Variants in C1orf210 observed in about 807,000 individuals in gnomAD.
C1orf210 encodes the protein type III endosome membrane protein TEMP.
C1orf210 carries 3 observed loss-of-function variants against 3.7 expected under a neutral mutation model. The observed-to-expected ratio is 0.81, with a 90% confidence interval of 0.37 to 2.08. The LOEUF (loss-of-function observed/expected upper bound fraction) is 2.08, where lower values mean the gene tolerates loss of function less well. Ranked by LOEUF, C1orf210 falls within the 30% of genes most tolerant of loss-of-function variation. C1orf210 has a pLI of 0.06. For synonymous variants in C1orf210, 62 were observed against 61.7 expected, an observed-to-expected ratio of 1.00 and a Z score of -0.02; for missense variants, 143 against 147.7, an observed-to-expected ratio of 0.97 and a Z score of 0.17.
In C1orf210 at chr1:43,282,826, C is replaced by G. The variant is rs748839312; in HGVS notation, c.301G>C (p.Glu101Gln). Residue 101 changes from glutamate (E) to glutamine (Q), a missense_variant, in exon 3 of 3, where the codon GAG becomes CAG. Glu to Gln is a conservative substitution (Grantham distance 29). Transcript: ENST00000523677. ...EDNYIQPGTG[E>Q]LGTEGSRDHF... The stretch of plus-strand genomic sequence containing the variant: ...TCCCTGCTACCCTCTGTCCCCAGCT[C>G]GCCAGTCCCAGGCTGAATGTAATTG... 39 of 1,611,872 alleles carry G rather than the reference C, an allele frequency of 2.4e-5. No homozygotes were observed. The highest frequency in any genetic ancestry group is 3.1e-5 in the Non-Finnish European group (37 of 1,178,634).
chr1:43,282,872 A>G lies in C1orf210; in HGVS notation c.255T>C (p.Asp85=). Residue 85 remains aspartate, a synonymous_variant, in exon 3 of 3, where the codon GAT becomes GAC. Transcript: ENST00000523677. Reference sequence around the variant, plus strand: ...AATTGTCCTCGATGAAGCCATCATCATCCTCATCTTCAGCCACCTGTGGGC... The same window carrying G: ...AATTGTCCTCGATGAAGCCATCATCGTCCTCATCTTCAGCCACCTGTGGGC... ...GGRPQVAEDE[D]DDGFIEDNYI... The G allele has an allele frequency of 6.2e-7, 1 of 1,614,144 alleles. No individual in the cohort carries two copies. Among genetic ancestry groups the G allele is most frequent in the African/African-American group, 1.3e-5 (1 of 75,024 alleles).
At chr1:43,285,182 T>A (rs1646572463) in intron 1 of C1orf210, among the ~76,000 whole-genome samples, 2 of 152,128 alleles carry the variant, frequency 1.3e-5, no homozygotes, top group East Asian at 3.8e-4. Context: ...CCGCAAAACA[T>A]GAGAATGTGT....
chr1:43,282,352 A>G lies in C1orf210; in HGVS notation c.*433T>C, dbSNP rs556805281. 14 of 159,562 alleles carry G rather than the reference A, an allele frequency of 8.8e-5. No homozygotes were observed. The South Asian group carries it at 1.2e-3, about 14-fold the overall frequency. The allele number at this position is 159,562 out of a possible 1,614,324, so 9.9% of individuals were successfully genotyped here. On this transcript the variant is annotated 3_prime_UTR_variant, in exon 3 of 3. Transcript: ENST00000523677. ...ATATTTGAAATGCTGGCAGGTAGGC[A>G]GGCCATCACAGTCATAGAGGATTTA...
At position 43,282,446 on chromosome 1, in the gene C1orf210, G is replaced by A. The variant is rs760420294; in HGVS notation, c.*339C>T. The A allele has an allele frequency of 1.1e-4, 26 of 240,446 alleles. No individual in the cohort carries two copies. Among genetic ancestry groups the A allele is most frequent in the Non-Finnish European group, 2.0e-4 (25 of 125,106 alleles). 14.9% of individuals were successfully genotyped at this position (240,446 alleles called of 1,614,324 possible). A position where few individuals can be genotyped will look rare whatever the true frequency, so the allele number is the denominator to read the frequency against. ...GCCTGGGGAAACTGCATGGGAAGTG[G>A]TGGGAGGGAGAATAACATTGATTTC... On this transcript the variant is annotated 3_prime_UTR_variant, in exon 3 of 3. Coordinates refer to ENST00000523677, the MANE Select transcript of C1orf210 (RefSeq NM_182517.3).
Position 43,282,478 on chromosome 1 carries a change from A to G in C1orf210, c.*307T>C. The stretch of plus-strand genomic sequence containing the variant: ...GGAGAATAACATTGATTTCGACAGT[A>G]AAGTAGGGGAAGGCAAGAAAAGAAA... On this transcript the variant is annotated 3_prime_UTR_variant, in exon 3 of 3. Coordinates refer to ENST00000523677, the MANE Select transcript of C1orf210 (RefSeq NM_182517.3). 3.1e-6 allele frequency: 1 copy of G among 319,310 alleles called. No homozygotes were observed. The highest frequency in any genetic ancestry group is 5.7e-6 in the Non-Finnish European group (1 of 174,328). 19.8% of individuals were successfully genotyped at this position (319,310 alleles called of 1,614,324 possible).
rs756948744 is a variant in C1orf210, at chr1:43,282,740, A to G, written c.*45T>C. ...CCCCATGTCATAACCACTGTCCTTAAGCTGTCAGGCATGGAGGGAGTGGGG... is the reference window on the plus strand; with the variant it reads ...CCCCATGTCATAACCACTGTCCTTAGGCTGTCAGGCATGGAGGGAGTGGGG... On this transcript the variant is annotated 3_prime_UTR_variant, in exon 3 of 3. Transcript: ENST00000523677. The G allele has an allele frequency of 1.3e-6, 2 of 1,508,556 alleles. No homozygotes were observed. The highest frequency in any genetic ancestry group is 1.8e-6 in the Non-Finnish European group (2 of 1,107,492). 93.4% of individuals were successfully genotyped at this position (1,508,556 alleles called of 1,614,324 possible). A position where few individuals can be genotyped will look rare whatever the true frequency, so the allele number is the denominator to read the frequency against.
chr1:43,285,036 G>A (rs1456131668), intron 1 of C1orf210, among the ~76,000 whole-genome samples: 1 of 152,218 alleles, frequency 6.6e-6, no homozygotes, highest in Non-Finnish European at 1.5e-5. Context: ...CAGCCCCTCA[G>A]TGTGGTGCTT....
At position 43,282,852 on chromosome 1, in the gene C1orf210, T is replaced by A; in HGVS notation, c.275A>T (p.Asp92Val). The A allele has an allele frequency of 6.2e-7, 1 of 1,614,126 alleles. No individual in the cohort carries two copies. Among genetic ancestry groups the A allele is most frequent in the East Asian group, 2.2e-5 (1 of 44,882 alleles). The change falls in exon 3 of 3, where the codon GAC (aspartate) becomes GTC (valine). Residue 92 changes from aspartate to valine, a missense_variant. Asp to Val is a radical substitution (Grantham distance 152, BLOSUM62 -3). Transcript: ENST00000523677. ...GCCAGTCCCAGGCTGAATGTAATTGTCCTCGATGAAGCCATCATCATCCTC... is the reference window on the plus strand; with the variant it reads ...GCCAGTCCCAGGCTGAATGTAATTGACCTCGATGAAGCCATCATCATCCTC... ...EDEDDDGFIE[D>V]NYIQPGTGEL...
In C1orf210 at chr1:43,282,883, C is replaced by T; in HGVS notation, c.244G>A (p.Glu82Lys). 1.2e-6 allele frequency: 2 copies of T among 1,614,190 alleles called. No individual in the cohort carries two copies. The highest frequency in any genetic ancestry group is 1.7e-6 in the Non-Finnish European group (2 of 1,180,004). ...ATGAAGCCATCATCATCCTCATCTT[C>T]AGCCACCTGTGGGCGGCCTCCCCTT... Reference protein sequence around the residue: ...TGRGGRPQVAEDEDDDGFIED... With the variant: ...TGRGGRPQVAKDEDDDGFIED... The change falls in exon 3 of 3, where the codon GAA becomes AAA. Residue 82 changes from glutamate (E) to lysine (K), a missense_variant. By Grantham distance (56) the Glu-to-Lys change is moderately conservative. Coordinates refer to ENST00000523677, the MANE Select transcript of C1orf210 (RefSeq NM_182517.3).
At chr1:43,284,495 A>C (rs1646567431) in intron 1 of C1orf210, among the ~76,000 whole-genome samples, 2 of 151,942 alleles carry the variant, frequency 1.3e-5, no homozygotes, top group East Asian at 3.9e-4. Flanking sequence ...CATCTCTGGA[A>C]TGACAATACC....
At chr1:43,284,213 G>A (rs1243413277) in intron 1 of C1orf210, among the ~76,000 whole-genome samples, 1 of 152,126 alleles carries the variant, frequency 6.6e-6, no homozygotes, top group African/African-American at 2.4e-5. Context: ...GGAGTGTCTG[G>A]AGGAGGCGCA....
In C1orf210 at chr1:43,282,488, A is replaced by C; in HGVS notation, c.*297T>G. ...ATTGATTTCGACAGTAAAGTAGGGG[A>C]AGGCAAGAAAAGAAACCAAGAGGCC... On this transcript the variant is annotated 3_prime_UTR_variant, in exon 3 of 3. Transcript: ENST00000523677. 2.9e-6 allele frequency: 1 copy of C among 347,666 alleles called. No homozygotes were observed. Among genetic ancestry groups the C allele is most frequent in the Non-Finnish European group, 5.2e-6 (1 of 192,012 alleles). The allele number at this position is 347,666 out of a possible 1,614,324, so 21.5% of individuals were successfully genotyped here.
In C1orf210 at chr1:43,282,761, T is replaced by G. The variant is rs111918624; in HGVS notation, c.*24A>C. 2 of 1,548,988 alleles carry G rather than the reference T, an allele frequency of 1.3e-6. No individual in the cohort carries two copies. The highest frequency in any genetic ancestry group is 1.4e-5 in the African/African-American group (1 of 73,502). On this transcript the variant is annotated 3_prime_UTR_variant, in exon 3 of 3. Transcript: ENST00000523677. ...CTTAAGCTGTCAGGCATGGAGGGAG[T>G]GGGGAGGGTCTAAAGATGGGAGCTC...
intron 1 of C1orf210, among the ~76,000 whole-genome samples, chr1:43,285,065 G>A (rs1254668799): frequency 6.6e-6 from 1 of 152,196 alleles, no homozygotes; most frequent in Non-Finnish European, 1.5e-5. Context: ...AACGAGGGGA[G>A]CGTGAGAGTG....
chr1:43,285,307 G>T (rs537773379), intron 1 of C1orf210, 137 bp downstream of exon 1: 1 of 152,348 alleles, frequency 6.6e-6, no homozygotes, highest in African/African-American at 2.4e-5. Flanking sequence ...CCTTCCAAGG[G>T]TGCATATACA....
At chr1:43,284,646 G>A (rs1008484945) in intron 1 of C1orf210, among the ~76,000 whole-genome samples, 7 of 152,044 alleles carry the variant, frequency 4.6e-5, no homozygotes, top group African/African-American at 1.7e-4. Flanking sequence ...CCCATCACTA[G>A]CCTGGTTAAA....
At chr1:43,285,399 T>C (rs1397967862) in intron 1 of C1orf210, 45 bp downstream of exon 1, 1 of 151,660 alleles carries the variant, frequency 6.6e-6, no homozygotes, top group Non-Finnish European at 1.5e-5. Flanking sequence ...CAGGTCACAC[T>C]TTCCTCCACC....
chr1:43,282,860 G>A lies in C1orf210; in HGVS notation c.267C>T (p.Phe89=), dbSNP rs1557429594. Residue 89 remains phenylalanine (F), a synonymous_variant, in exon 3 of 3, where the codon TTC becomes TTT. Transcript: ENST00000523677. ...QVAEDEDDDG[F]IEDNYIQPGT... ...CAGGCTGAATGTAATTGTCCTCGAT[G>A]AAGCCATCATCATCCTCATCTTCAG... The A allele has an allele frequency of 6.2e-7, 1 of 1,614,150 alleles. No homozygotes were observed. Among genetic ancestry groups the A allele is most frequent in the Non-Finnish European group, 8.5e-7 (1 of 1,179,996 alleles).
At chr1:43,284,622 A>C (rs1646568567) in intron 1 of C1orf210, among the ~76,000 whole-genome samples, 1 of 152,048 alleles carries the variant, frequency 6.6e-6, no homozygotes, top group Non-Finnish European at 1.5e-5. Context: ...ATGGGCCTAC[A>C]ACCCAAATCT....
Sources: allele counts gnomAD v4.1 joint callset (sites outside exome capture counted in the v4.1 genomes callset), GRCh38; gene constraint gnomAD v4.1.1; transcripts MANE v1.5; gene names NCBI Gene and HGNC (gene_info 2026-07-23, HGNC 2026-07-21).